The following RAB38 variants were observed in gnomAD, a reference collection of about 807,000 sequenced individuals.
The protein encoded by RAB38 is RAB38, member RAS oncogene family.
In RAB38, 15 loss-of-function variants were observed where a neutral mutation model predicts 18.4. The ratio of observed to expected loss-of-function variants is 0.82; its 90% CI spans 0.55 to 1.26. The LOEUF is 1.26. Ranked by LOEUF, RAB38 falls within the 50% of genes most tolerant of loss-of-function variation. The pLI is 0.00. For missense variants in RAB38, 294 were observed against 267.4 expected (o/e 1.10, Z -0.69); for synonymous variants, 101 against 104.4 (o/e 0.97, Z 0.20).
At chr11:87,957,738 C>T in the RAB38 span, among the ~76,000 whole-genome samples, 1 of 151,836 alleles carries the variant, frequency 6.6e-6, no homozygotes, top group African/African-American at 2.4e-5. Context: ...GTTCTAACTT[C>T]TATAATCTGA....
the RAB38 span, among the ~76,000 whole-genome samples, chr11:87,849,636 TG>T: frequency 6.6e-6 from 1 of 152,152 alleles, no homozygotes; most frequent in Non-Finnish European, 1.5e-5. Flanking sequence ...TGAATATCTT[TG>T]GGTGTTGTCC....
At chr11:87,815,621 A>C in the RAB38 span, 8 of 152,226 alleles carry the variant, frequency 5.3e-5, no homozygotes, top group African/African-American at 1.9e-4. Context: ...GGAAGGCGTA[A>C]AAATCATGTA....
At chr11:88,094,614 T>A in the RAB38 span, among the ~76,000 whole-genome samples, 1 of 151,798 alleles carries the variant, frequency 6.6e-6, no homozygotes, top group African/African-American at 2.4e-5. Flanking sequence ...TGTGTCCTCA[T>A]ATCCCTTACC....
At chr11:87,804,904 T>C in the RAB38 span, among the ~76,000 whole-genome samples, 1 of 152,228 alleles carries the variant, frequency 6.6e-6, no homozygotes, top group East Asian at 1.9e-4. Flanking sequence ...CTCAGTGTTA[T>C]CATTTTTAGC....
At chr11:87,855,566 A>C in the RAB38 span, among the ~76,000 whole-genome samples, 1 of 152,212 alleles carries the variant, frequency 6.6e-6, no homozygotes, top group Non-Finnish European at 1.5e-5. Flanking sequence ...AGGTTGGAGA[A>C]TAGAAAAAAT....
At chr11:88,139,349 C>A (rs2134809403) in intron 2 of RAB38, among the ~76,000 whole-genome samples, 1 of 152,284 alleles carries the variant, frequency 6.6e-6, no homozygotes, top group South Asian at 2.1e-4. Context: ...TTCTTGGCAA[C>A]CCAGATTAAA....
chr11:87,946,606 G>A, the RAB38 span, among the ~76,000 whole-genome samples: 1 of 149,362 alleles, frequency 6.7e-6, no homozygotes, highest in Non-Finnish European at 1.5e-5. Flanking sequence ...TGTTCTCATT[G>A]TTCAATTCCC....
At chr11:88,075,692 G>A in the RAB38 span, among the ~76,000 whole-genome samples, 1 of 151,996 alleles carries the variant, frequency 6.6e-6, no homozygotes, top group African/African-American at 2.4e-5. Context: ...GCTAGCCTGG[G>A]CAACATGGTT....
At chr11:87,809,956 T>G in the RAB38 span, among the ~76,000 whole-genome samples, 1 of 152,144 alleles carries the variant, frequency 6.6e-6, no homozygotes, top group East Asian at 1.9e-4. Context: ...AAGCAGATAT[T>G]AATTGAAATT....
downstream of RAB38, among the ~76,000 whole-genome samples, chr11:88,112,021 T>C (rs2134762749): frequency 6.6e-6 from 1 of 152,326 alleles, no homozygotes; most frequent in East Asian, 1.9e-4. Context: ...AATAGCATAT[T>C]AGAATCAATG....
At position 88,113,768 on chromosome 11, in the gene RAB38, A is replaced by T. The variant is rs180884959; in HGVS notation, c.*220T>A. Reference sequence around the variant, plus strand: ...CAGCTACATGACAGAAGTTTGTAACAGACTAAATATTTTCAAAAGTTTGTA... The same window carrying T: ...CAGCTACATGACAGAAGTTTGTAACTGACTAAATATTTTCAAAAGTTTGTA... On this transcript the variant is annotated 3_prime_UTR_variant, in exon 3 of 3. Coordinates refer to ENST00000243662, the MANE Select transcript of RAB38 (RefSeq NM_022337.3). The T allele has an allele frequency of 1.6e-5, 9 of 564,756 alleles. No individual in the cohort carries two copies. In the East Asian group the frequency reaches 2.4e-4, roughly 15 times the overall value. 35.0% of individuals were successfully genotyped at this position (564,756 alleles called of 1,614,324 possible).
the RAB38 span, among the ~76,000 whole-genome samples, chr11:88,015,775 G>A: frequency 8.5e-5 from 13 of 152,132 alleles, no homozygotes; most frequent in East Asian, 3.9e-4. Context: ...AATGTCTTGA[G>A]TCTTAGAGAA....
the RAB38 span, among the ~76,000 whole-genome samples, chr11:87,808,143 A>G: frequency 2.0e-5 from 3 of 152,216 alleles, no homozygotes; most frequent in East Asian, 5.8e-4. Context: ...CAGAAAAAGT[A>G]TGAAGATTCC....
chr11:88,151,650 G>A (rs1226115530), intron 1 of RAB38, among the ~76,000 whole-genome samples: 1 of 152,046 alleles, frequency 6.6e-6, no homozygotes, highest in Non-Finnish European at 1.5e-5. Context: ...GGAAAATATA[G>A]GTTAACATAT....
In RAB38 at chr11:88,160,941, C is replaced by A. The variant is rs572090169; in HGVS notation, c.203-10986G>T. 2.0e-5 allele frequency among the ~76,000 whole-genome samples: 3 copies of A among 152,096 alleles called. No individual in the cohort carries two copies. The South Asian group carries it at 6.2e-4, about 32-fold the overall frequency. On this transcript the variant is annotated intron_variant, in intron 1 of 2. Transcript: ENST00000243662. ...AGCTCAACATCATGCAATATACCTA[C>A]GTCTATGTCATAAACCTGCATATGT...
the RAB38 span, among the ~76,000 whole-genome samples, chr11:87,890,150 A>G: frequency 6.6e-6 from 1 of 151,874 alleles, no homozygotes; most frequent in South Asian, 2.1e-4. Context: ...TATTTTTATA[A>G]AACTAATAAA....
chr11:88,070,149 G>A, the RAB38 span, among the ~76,000 whole-genome samples: 1 of 152,178 alleles, frequency 6.6e-6, no homozygotes, highest in South Asian at 2.1e-4. Context: ...TTTATGAGCT[G>A]TAACACTCAC....
chr11:88,035,732 T>C, the RAB38 span, among the ~76,000 whole-genome samples: 1 of 152,254 alleles, frequency 6.6e-6, no homozygotes, highest in African/African-American at 2.4e-5. Context: ...CGTCTTGAAC[T>C]CCAATTTTTG....
At chr11:88,073,065 T>G in the RAB38 span, among the ~76,000 whole-genome samples, 1 of 152,166 alleles carries the variant, frequency 6.6e-6, no homozygotes, top group African/African-American at 2.4e-5. Context: ...CTTTGACTCC[T>G]GGTTTATACA....
Sources: gnomAD v4.1 joint callset for allele counts (sites outside exome capture counted in the v4.1 genomes callset) on GRCh38, gnomAD v4.1.1 for gene constraint, MANE v1.5 for transcripts, NCBI Gene and HGNC (gene_info 2026-07-23, HGNC 2026-07-21) for gene names.